The following TMEM132B variants were observed in gnomAD, a reference collection of about 807,000 sequenced individuals.
The protein encoded by TMEM132B is transmembrane protein 132B.
A neutral mutation model predicts 90.8 loss-of-function variants in TMEM132B; 18 were observed. That is an observed-to-expected ratio of 0.20 (90% CI 0.14 to 0.29). TMEM132B has a LOEUF of 0.29. TMEM132B is among the 10% of genes least tolerant of loss of function. The pLI is 1.00. For synonymous variants in TMEM132B, 504 were observed against 523.3 expected, an observed-to-expected ratio of 0.96 and a Z score of 0.50; for missense variants, 1,096 against 1,326.8, an observed-to-expected ratio of 0.83 and a Z score of 2.70.
At chr12:125,507,723 G>A (rs1320615568) in intron 3 of TMEM132B, among the ~76,000 whole-genome samples, 2 of 152,204 alleles carry the variant, frequency 1.3e-5, no homozygotes, top group Non-Finnish European at 2.9e-5. Flanking sequence ...TGGCCATAGA[G>A]CTAAGGGGCC....
Position 125,243,136 on chromosome 12 carries a change from C to CACAT in TMEM132B, c.67+56271_67+56272insCATA, listed in dbSNP as rs1555233606. Reference sequence around the variant, plus strand: ...ATATATATATATACACACACACACACATATATATATATATAATTTTTTTTT... The same window carrying CACAT: ...ATATATATATATACACACACACACACACATATATATATATATATAATTTTTTTTT... On this transcript the variant is annotated intron_variant, in intron 1 of 8. Transcript: ENST00000682704. Among the ~76,000 whole-genome samples the CACAT allele has an allele frequency of 2.2e-5, 3 of 136,150 alleles. No individual in the cohort carries two copies. The Admixed American group carries it at 2.5e-4, about 11-fold the overall frequency. 89.3% of individuals were successfully genotyped at this position (136,150 alleles called of 152,430 possible).
intron 4 of TMEM132B, among the ~76,000 whole-genome samples, chr12:125,550,522 C>T (rs1325021040): frequency 6.6e-5 from 10 of 152,162 alleles, no homozygotes; most frequent in Admixed American, 5.2e-4. Context: ...TAGGTACTAA[C>T]ATATGTATTA....
At chr12:125,215,796 C>T (rs1194457916) in intron 1 of TMEM132B, among the ~76,000 whole-genome samples, 1 of 152,254 alleles carries the variant, frequency 6.6e-6, no homozygotes, top group Non-Finnish European at 1.5e-5. Flanking sequence ...CCCGCCTTGG[C>T]CTCCCAAAGT....
At chr12:125,474,186 TTTCCTGCC>T (rs1053248022) in intron 3 of TMEM132B, among the ~76,000 whole-genome samples, 2 of 151,740 alleles carry the variant, frequency 1.3e-5, no homozygotes, top group South Asian at 2.1e-4. Context: ...CTCTGACTGC[TTTCCTGCC>T]TTCCTGCCTT....
chr12:125,239,990 GACA>G (rs1874030055), intron 1 of TMEM132B, among the ~76,000 whole-genome samples: 2 of 152,330 alleles, frequency 1.3e-5, no homozygotes, highest in South Asian at 4.1e-4. Flanking sequence ...CAGCTGTGGT[GACA>G]ACATCCCAAT....
intron 1 of TMEM132B, among the ~76,000 whole-genome samples, chr12:125,325,029 T>A (rs975922176): frequency 6.6e-6 from 1 of 152,046 alleles, no homozygotes. Flanking sequence ...AACAGAGAGC[T>A]CTTCTGGCAT....
intron 1 of TMEM132B, among the ~76,000 whole-genome samples, chr12:125,244,412 G>A (rs1217880060): frequency 2.0e-5 from 3 of 152,338 alleles, no homozygotes; most frequent in Middle Eastern, 3.4e-3. Flanking sequence ...ACAGCTCTGT[G>A]CAGTGCTGGC....
At chr12:125,456,117 A>C (rs986173098) in intron 3 of TMEM132B, among the ~76,000 whole-genome samples, 3 of 152,326 alleles carry the variant, frequency 2.0e-5, no homozygotes, top group Admixed American at 1.3e-4. Flanking sequence ...TGACCCTTAG[A>C]GTGGAGCACC....
chr12:125,206,196 C>A (rs1192073215), intron 1 of TMEM132B, among the ~76,000 whole-genome samples: 1 of 152,072 alleles, frequency 6.6e-6, no homozygotes, highest in African/African-American at 2.4e-5. Context: ...CACCAGATGC[C>A]CCTTTCCTGG....
At chr12:125,632,989 C>A (rs895372145) in intron 5 of TMEM132B, among the ~76,000 whole-genome samples, 1 of 151,998 alleles carries the variant, frequency 6.6e-6, no homozygotes, top group African/African-American at 2.4e-5. Context: ...TTCTACCTGT[C>A]TCTTACTCTA....
intron 2 of TMEM132B, among the ~76,000 whole-genome samples, chr12:125,379,867 G>A (rs1436579666): frequency 6.6e-6 from 1 of 152,180 alleles, no homozygotes; most frequent in East Asian, 1.9e-4. Context: ...TACAGGTAGA[G>A]GTGTGTGGAA....
chr12:125,358,088 G>GT (rs907362622), intron 2 of TMEM132B, among the ~76,000 whole-genome samples: 26 of 150,530 alleles, frequency 1.7e-4, no homozygotes, highest in South Asian at 6.4e-4. Context: ...TAATTTCCTT[G>GT]TTTTTTTTTG....
chr12:125,650,374 C>G (rs906437984), intron 6 of TMEM132B, among the ~76,000 whole-genome samples: 43 of 152,092 alleles, frequency 2.8e-4, no homozygotes, highest in African/African-American at 1.0e-3. Flanking sequence ...TTCCTCCATC[C>G]CACAGGGGAA....
chr12:125,256,958 T>C (rs918478001), intron 1 of TMEM132B, among the ~76,000 whole-genome samples: 1 of 152,016 alleles, frequency 6.6e-6, no homozygotes, highest in Non-Finnish European at 1.5e-5. Flanking sequence ...CAGAGAGGAG[T>C]TGGAGATCCT....
intron 3 of TMEM132B, among the ~76,000 whole-genome samples, chr12:125,466,840 C>A (rs1881575052): frequency 6.6e-6 from 1 of 152,208 alleles, no homozygotes; most frequent in South Asian, 2.1e-4. Context: ...TAGTCTGGAC[C>A]TGGTGTTGGC....
At chr12:125,243,893 A>T (rs2136095639) in intron 1 of TMEM132B, among the ~76,000 whole-genome samples, 1 of 152,122 alleles carries the variant, frequency 6.6e-6, no homozygotes, top group Admixed American at 6.5e-5. Context: ...TGGAAGCCCC[A>T]TACGTATTAG....
intron 5 of TMEM132B, among the ~76,000 whole-genome samples, chr12:125,607,554 C>G (rs149417982): frequency 7.0e-4 from 106 of 152,256 alleles, no homozygotes; most frequent in African/African-American, 1.5e-3. Flanking sequence ...TGTGGGGACT[C>G]AAAGCATAGA....
At chr12:125,239,963 C>T (rs78144936) in intron 1 of TMEM132B, among the ~76,000 whole-genome samples, 5 of 152,264 alleles carry the variant, frequency 3.3e-5, no homozygotes, top group African/African-American at 7.2e-5. Flanking sequence ...GTGGTTGTGG[C>T]GTGATTTTGG....
intron 5 of TMEM132B, 48 bp downstream of exon 5, chr12:125,584,042 G>T: frequency 6.2e-7 from 1 of 1,613,010 alleles, no homozygotes; most frequent in Non-Finnish European, 8.5e-7. Context: ...AGAGCTTTTT[G>T]TCGTTCCTTC....
Sources: gnomAD v4.1 joint callset for allele counts (sites outside exome capture counted in the v4.1 genomes callset) on GRCh38, gnomAD v4.1.1 for gene constraint, MANE v1.5 for transcripts, NCBI Gene and HGNC (gene_info 2026-07-23, HGNC 2026-07-21) for gene names.